The following GATA6 variants were observed in gnomAD, a reference collection of about 807,000 sequenced individuals.
The protein encoded by GATA6 is transcription factor GATA-6.
Under a neutral mutation model 48.1 loss-of-function variants are expected in GATA6, and 11 were observed. The ratio of observed to expected loss-of-function variants is 0.23; its 90% CI spans 0.14 to 0.38. GATA6 has a LOEUF of 0.38. Among genes scored for constraint, GATA6 ranks in the 10% least tolerant of loss-of-function variants. The probability of loss-of-function intolerance (pLI) is 1.00; values close to 1 mark genes in which losing one functional copy is unlikely to be tolerated. For synonymous variants in GATA6, 419 were observed against 396.1 expected, an observed-to-expected ratio of 1.06 and a Z score of -0.69; for missense variants, 795 against 850.3, an observed-to-expected ratio of 0.93 and a Z score of 0.81.
chr18:22,180,609 T>C (rs1276336286), intron 3 of GATA6, among the ~76,000 whole-genome samples: 1 of 151,828 alleles, frequency 6.6e-6, no homozygotes, highest in African/African-American at 2.4e-5. Flanking sequence ...CTTTGTAAAA[T>C]AGATAAAACA....
At position 22,171,563 on chromosome 18, in the gene GATA6, C is replaced by A; in HGVS notation, c.419C>A (p.Ala140Glu). 1 of 1,603,762 alleles carries A rather than the reference C, an allele frequency of 6.2e-7. No homozygotes were observed. Residue 140 changes from alanine (A) to glutamate (E), a missense_variant, in exon 2 of 7, where the codon GCA becomes GAA. By Grantham distance (107) the Ala-to-Glu change is moderately radical (BLOSUM62 -1). Transcript: ENST00000269216. The surrounding 1 kb of genome is among the most constrained non-coding windows in gnomAD (Gnocchi z 7.1). Reference protein sequence around the residue: ...SSRGAKLSPFAPEQPEEMYQT... With the variant: ...SSRGAKLSPFEPEQPEEMYQT... Reference sequence around the variant, plus strand: ...CGCGGCGCCAAGCTGAGCCCCTTCGCACCCGAGCAGCCGGAGGAGATGTAC... The same window carrying A: ...CGCGGCGCCAAGCTGAGCCCCTTCGAACCCGAGCAGCCGGAGGAGATGTAC...
chr18:22,194,379 C>T (rs1436882212), intron 6 of GATA6, among the ~76,000 whole-genome samples: 2 of 152,194 alleles, frequency 1.3e-5, no homozygotes, highest in Non-Finnish European at 2.9e-5. Context: ...GAGCCGATTT[C>T]TGCTCCACCC....
At chr18:22,174,172 T>A (rs1294591195) in intron 2 of GATA6, among the ~76,000 whole-genome samples, 1 of 152,156 alleles carries the variant, frequency 6.6e-6, no homozygotes, top group Non-Finnish European at 1.5e-5. Flanking sequence ...ATTTTGTCAG[T>A]CGGGGAGTTC....
At chr18:22,184,122 G>A (rs375809479) in intron 6 of GATA6, among the ~76,000 whole-genome samples, 4 of 152,122 alleles carry the variant, frequency 2.6e-5, no homozygotes, top group Admixed American at 6.6e-5. Flanking sequence ...CTACTGCCCC[G>A]GAGGTGTTTG....
chr18:22,194,373 C>T (rs1166034424), intron 6 of GATA6, among the ~76,000 whole-genome samples: 1 of 152,140 alleles, frequency 6.6e-6, no homozygotes, highest in Non-Finnish European at 1.5e-5. Flanking sequence ...AACACAGAGC[C>T]GATTTCTGCT....
At chr18:22,190,933 C>T (rs1258443228) in intron 6 of GATA6, among the ~76,000 whole-genome samples, 9 of 152,128 alleles carry the variant, frequency 5.9e-5, no homozygotes, top group Non-Finnish European at 1.0e-4. Flanking sequence ...GAAAGTCACA[C>T]GTCACCCCGG....
chr18:22,171,233 G>A lies in GATA6; in HGVS notation c.89G>A (p.Arg30Gln), dbSNP rs756406083. Residue 30 changes from arginine (R) to glutamine (Q), a missense_variant, in exon 2 of 7, where the codon CGG becomes CAG. Around this residue, in one of 5 missense-constraint regions of GATA6, gnomAD observed 591 missense variants for 570.0 expected, o/e 1.04. Coordinates refer to ENST00000269216, the MANE Select transcript of GATA6 (RefSeq NM_005257.6). The surrounding 1 kb of genome is among the most constrained non-coding windows in gnomAD (Gnocchi z 7.1). Reference protein sequence around the residue: ...DASDSRAFPAREPSTPPSPIS... With the variant: ...DASDSRAFPAQEPSTPPSPIS... ...AGCGACTCCAGAGCCTTTCCAGCGC[G>A]GGAGCCCTCCACGCCGCCTTCCCCC... 166 of 1,599,028 alleles carry A rather than the reference G, an allele frequency of 1.0e-4. No individual in the cohort carries two copies. The highest frequency in any genetic ancestry group is 1.2e-4 in the Non-Finnish European group (143 of 1,179,254).
At chr18:22,179,658 AATT>A (rs147147205) in intron 3 of GATA6, among the ~76,000 whole-genome samples, 2,722 of 152,300 alleles carry the variant, frequency 0.018, 93 homozygotes, top group African/African-American at 0.061. Flanking sequence ...TTTCCTAAAA[AATT>A]ATTTTCTTTT....
Position 22,185,464 on chromosome 18 carries a change from G to A in GATA6, c.1620+2421G>A, listed in dbSNP as rs555843081. Among the ~76,000 whole-genome samples, 31 of 152,340 alleles carry A rather than the reference G, an allele frequency of 2.0e-4. No homozygotes were observed. In the South Asian group the frequency reaches 5.6e-3, roughly 27 times the overall value. ...AGCTGCAGCCAGGGGGCATCTCTCC[G>A]AGCTCTCCAGCCTCTGGGCTGCGCA... On this transcript the variant is annotated intron_variant, in intron 6 of 6. Transcript: ENST00000269216. The surrounding 1 kb of genome is among the most constrained non-coding windows in gnomAD (Gnocchi z 4.3).
intron 6 of GATA6, among the ~76,000 whole-genome samples, 181 bp downstream of exon 6, chr18:22,183,224 G>A (rs79932273): frequency 6.6e-4 from 100 of 152,266 alleles, no homozygotes; most frequent in Non-Finnish European, 1.2e-3. Context: ...ACAAACTTAA[G>A]TACTTTACAA....
In GATA6 at chr18:22,200,665, C is replaced by G; in HGVS notation, c.1630C>G (p.Pro544Ala). The G allele has an allele frequency of 9.9e-6, 16 of 1,614,264 alleles. No homozygotes were observed. The highest frequency in any genetic ancestry group is 1.3e-5 in the Non-Finnish European group (15 of 1,180,042). Reference protein sequence around the residue: ...TQPTASGAGAPVMTGAGESTN... With the variant: ...TQPTASGAGAAVMTGAGESTN... ...CCCCCTCTTCTGCCAGGCGGGTGCC[C>G]CGGTGATGACTGGTGCGGGAGAGAG... Residue 544 changes from proline (P) to alanine (A), a missense_variant, in exon 7 of 7, where the codon CCG (proline) becomes GCG (alanine). Around this residue, in one of 5 missense-constraint regions of GATA6, gnomAD observed 103 missense variants for 103.7 expected, o/e 0.99. Transcript: ENST00000269216.
At chr18:22,180,605 A>G (rs1439939338) in intron 3 of GATA6, among the ~76,000 whole-genome samples, 1 of 152,180 alleles carries the variant, frequency 6.6e-6, no homozygotes, top group African/African-American at 2.4e-5. Flanking sequence ...TATCCTTTGT[A>G]AAATAGATAA....
Position 22,200,784 on chromosome 18 carries a change from C to T in GATA6, c.1749C>T (p.Ser583=), listed in dbSNP as rs142079702. ...SLASPAEVTS[S]VRPDSWCALA... The stretch of plus-strand genomic sequence containing the variant: ...CCTCGCCGGCCGAAGTCACGTCCTC[C>T]GTGCGACCGGATTCCTGGTGCGCCC... Residue 583 remains serine, a synonymous_variant, in exon 7 of 7, where the codon TCC becomes TCT. Coordinates refer to ENST00000269216, the MANE Select transcript of GATA6 (RefSeq NM_005257.6). 3.0e-5 allele frequency: 49 copies of T among 1,613,286 alleles called. No homozygotes were observed. The highest frequency in any genetic ancestry group is 4.1e-5 in the Non-Finnish European group (48 of 1,179,986).
intron 6 of GATA6, among the ~76,000 whole-genome samples, chr18:22,199,900 CAAAAA>C (rs35638046): frequency 1.0e-4 from 7 of 68,356 alleles, no homozygotes; most frequent in South Asian, 6.2e-4. Flanking sequence ...GACTCTGTTT[CAAAAA>C]AAAAAAAAAA....
intron 6 of GATA6, among the ~76,000 whole-genome samples, chr18:22,186,771 T>G (rs1598739246): frequency 6.6e-6 from 1 of 152,364 alleles, no homozygotes; most frequent in East Asian, 1.9e-4. Flanking sequence ...AAAATTTTTG[T>G]GCTGCTCTGA....
chr18:22,178,247 G>C (rs1374792324), intron 3 of GATA6, among the ~76,000 whole-genome samples: 2 of 152,136 alleles, frequency 1.3e-5, no homozygotes, highest in Non-Finnish European at 2.9e-5. Context: ...TTACAGGCGT[G>C]AGCCACCGCG....
Position 22,172,920 on chromosome 18 carries a change from C to T in GATA6, c.1135+641C>T, listed in dbSNP as rs1427278429. On this transcript the variant is annotated intron_variant, in intron 2 of 6. Coordinates refer to ENST00000269216, the MANE Select transcript of GATA6 (RefSeq NM_005257.6). This position sits in a 1 kb window ranked among gnomAD's most constrained non-coding sequence, Gnocchi z 5.2. Reference sequence around the variant, plus strand: ...GCACCTGGAGTGGTCAGACTTGTGACTTCATGGTGAAGGAGAGCTGGTGGA... The same window carrying T: ...GCACCTGGAGTGGTCAGACTTGTGATTTCATGGTGAAGGAGAGCTGGTGGA... Among the ~76,000 whole-genome samples, 1 of 152,216 alleles carries T rather than the reference C, an allele frequency of 6.6e-6. No homozygotes were observed. The highest frequency in any genetic ancestry group is 1.5e-5 in the Non-Finnish European group (1 of 68,044).
chr18:22,171,777 G>T lies in GATA6; in HGVS notation c.633G>T (p.Gly211=). Residue 211 remains glycine, a synonymous_variant, in exon 2 of 7, where the codon GGG becomes GGT. Coordinates refer to ENST00000269216, the MANE Select transcript of GATA6 (RefSeq NM_005257.6). The surrounding 1 kb of genome is among the most constrained non-coding windows in gnomAD (Gnocchi z 7.1). ...LPYHLQGSGS[G]PANHAGGAGA... Reference sequence around the variant, plus strand: ...ACCACCTGCAGGGGTCGGGCAGTGGGCCAGCCAACCACGCGGGCGGCGCGG... The same window carrying T: ...ACCACCTGCAGGGGTCGGGCAGTGGTCCAGCCAACCACGCGGGCGGCGCGG... The T allele has an allele frequency of 7.4e-7, 1 of 1,344,642 alleles. No individual in the cohort carries two copies. The highest frequency in any genetic ancestry group is 9.5e-7 in the Non-Finnish European group (1 of 1,057,524). The allele number at this position is 1,344,642 out of a possible 1,614,324, so 83.3% of individuals were successfully genotyped here. A position where few individuals can be genotyped will look rare whatever the true frequency, so the allele number is the denominator to read the frequency against.
At chr18:22,199,649 T>A (rs1462849909) in intron 6 of GATA6, among the ~76,000 whole-genome samples, 1 of 152,164 alleles carries the variant, frequency 6.6e-6, no homozygotes, top group African/African-American at 2.4e-5. Flanking sequence ...ACGCCTGTAA[T>A]CCCAGCACTC....
Sources: gnomAD v4.1 joint callset for allele counts (sites outside exome capture counted in the v4.1 genomes callset) on GRCh38, gnomAD v4.1.1 for gene constraint, gnomAD v4.1.1 regional missense constraint, Gnocchi (gnomAD v3.1) non-coding constraint, MANE v1.5 for transcripts, NCBI Gene and HGNC (gene_info 2026-07-23, HGNC 2026-07-21) for gene names.